Variants in IKBKB observed in about 807,000 individuals in gnomAD.
The protein encoded by IKBKB is inhibitor of nuclear factor kappa-B kinase subunit beta.
A neutral mutation model predicts 113.6 loss-of-function variants in IKBKB; 42 were observed. The observed-to-expected ratio is 0.37, with a 90% CI of 0.29 to 0.48. IKBKB has a LOEUF of 0.48. IKBKB is among the 20% of genes least tolerant of loss of function. IKBKB has a pLI of 0.99. For missense variants in IKBKB, 673 were observed against 939.7 expected (o/e 0.72, Z 3.71); for synonymous variants, 296 against 361.3 (o/e 0.82, Z 2.05).
intron 5 of IKBKB, among the ~76,000 whole-genome samples, chr8:42,304,611 G>A (rs910701986): frequency 6.6e-6 from 1 of 152,134 alleles, no homozygotes; most frequent in African/African-American, 2.4e-5. Context: ...ATGTGTGGGA[G>A]GTGTCCCTGT....
chr8:42,321,607 G>A (rs1819798953), intron 16 of IKBKB: 4 of 336,902 alleles, frequency 1.2e-5, no homozygotes, highest in Non-Finnish European at 2.2e-5. Flanking sequence ...CTGCAGCCTC[G>A]ACCTCCCAGG....
At chr8:42,298,096 TATTTA>T in intron 5 of IKBKB, 2 of 985,382 alleles carry the variant, frequency 2.0e-6, no homozygotes, top group Non-Finnish European at 2.4e-6. Flanking sequence ...GAGTGGACTC[TATTTA>T]AACAGTCTTG....
chr8:42,305,349 C>A, intron 6 of IKBKB, 74 bp downstream of exon 6: 1 of 862,164 alleles, frequency 1.2e-6, no homozygotes, highest in Non-Finnish European at 2.0e-6. Context: ...AAGGAGCACA[C>A]TCTGCATATT....
At position 42,272,418 on chromosome 8, in the gene IKBKB, T is replaced by G. The variant is rs531890186; in HGVS notation, c.105+213T>G. 10 of 618,498 alleles carry G rather than the reference T, an allele frequency of 1.6e-5. No individual in the cohort carries two copies. The African/African-American group carries it at 1.7e-4, about 10-fold the overall frequency. 38.3% of individuals were successfully genotyped at this position (618,498 alleles called of 1,614,324 possible). On this transcript the variant is annotated intron_variant, in intron 2 of 21. Coordinates refer to ENST00000520810, the MANE Select transcript of IKBKB (RefSeq NM_001556.3). ...TTATTGACTATGTCACCTAAATAAA[T>G]AGTAAAATAAAGTTAAGCTCTTAGT...
chr8:42,274,786 GCCC>G (rs1224930652), intron 2 of IKBKB, among the ~76,000 whole-genome samples: 1 of 5,528 alleles, frequency 1.8e-4, no homozygotes. Context: ...CCGCCGGCGC[GCCC>G]CCCCCCCCCC....
At chr8:42,273,684 G>C (rs1305959431) in intron 2 of IKBKB, among the ~76,000 whole-genome samples, 1 of 151,592 alleles carries the variant, frequency 6.6e-6, no homozygotes, top group Non-Finnish European at 1.5e-5. Flanking sequence ...TGGATTACAG[G>C]CCTGAGCCAT....
Position 42,316,915 on chromosome 8 carries a change from G to C in IKBKB, c.1125+11G>C. The C allele has an allele frequency of 6.2e-7, 1 of 1,612,780 alleles. No individual in the cohort carries two copies. Among genetic ancestry groups the C allele is most frequent in the Non-Finnish European group, 8.5e-7 (1 of 1,179,204 alleles). ...ATTTCAGACGGCAAGGTGAGCCCTG[G>C]CTTCGTACACACCATCCTGTTTACC... On this transcript the variant is annotated intron_variant, in intron 11 of 21. Transcript: ENST00000520810. The surrounding 1 kb of genome is among the most constrained non-coding windows in gnomAD (Gnocchi z 4.5).
At chr8:42,325,738 G>C in intron 19 of IKBKB, 1 of 1,327,828 alleles carries the variant, frequency 7.5e-7, no homozygotes, top group Non-Finnish European at 9.6e-7. Flanking sequence ...AGGCACCCAG[G>C]TCTCCTTAAA....
chr8:42,293,338 G>A, intron 4 of IKBKB, 105 bp from the exon 5 acceptor site: 2 of 1,413,158 alleles, frequency 1.4e-6, no homozygotes, highest in Non-Finnish European at 2.0e-6. Context: ...TAAAGACCAG[G>A]GCCCAGGGTC....
intron 2 of IKBKB, among the ~76,000 whole-genome samples, chr8:42,283,306 CA>C (rs1444323128): frequency 5.3e-5 from 8 of 152,182 alleles, no homozygotes; most frequent in Non-Finnish European, 7.3e-5. Context: ...TAATCCCCCC[CA>C]ACCCCACCAA....
rs200781138 is a variant in IKBKB at position 42,293,463 on chromosome 8, C to T, written c.339C>T (p.Asn113=). Residue 113 remains asparagine, a synonymous_variant, in exon 5 of 22, where the codon AAC becomes AAT. Coordinates refer to ENST00000520810, the MANE Select transcript of IKBKB (RefSeq NM_001556.3). ...GACAGTACCTGAACCAGTTTGAGAACTGCTGTGGTCTGCGGGAAGGTGCCA... is the reference window on the plus strand; with the variant it reads ...GACAGTACCTGAACCAGTTTGAGAATTGCTGTGGTCTGCGGGAAGGTGCCA... ...DLRKYLNQFE[N]CCGLREGAIL... 2 of 1,614,190 alleles carry T rather than the reference C, an allele frequency of 1.2e-6. No homozygotes were observed. Among genetic ancestry groups the T allele is most frequent in the Non-Finnish European group, 1.7e-6 (2 of 1,180,026 alleles).
At chr8:42,280,646 A>G (rs7837168) in intron 2 of IKBKB, among the ~76,000 whole-genome samples, 37,058 of 151,940 alleles carry the variant, frequency 0.24, 8,781 homozygotes, top group African/African-American at 0.62. Context: ...TGGGTCAGCT[A>G]CCTTCTGGAA....
At chr8:42,330,225 C>T (rs1019793732) in intron 21 of IKBKB, 8 of 985,260 alleles carry the variant, frequency 8.1e-6, no homozygotes, top group Non-Finnish European at 1.2e-6. Flanking sequence ...GTCACAGAAT[C>T]TCAAGGACTC....
At chr8:42,308,304 C>CT (rs71548577) in intron 7 of IKBKB, among the ~76,000 whole-genome samples, 15,507 of 115,536 alleles carry the variant, frequency 0.13, 950 homozygotes, top group Middle Eastern at 0.19. Flanking sequence ...TTCTTTCTTT[C>CT]TTTTTTTTTT....
rs1048497385 is a variant in IKBKB at position 42,280,910 on chromosome 8, C to T, written c.106-7724C>T. On this transcript the variant is annotated intron_variant, in intron 2 of 21. Coordinates refer to ENST00000520810, the MANE Select transcript of IKBKB (RefSeq NM_001556.3). ...CTTGGAAGCCTTAAAGCCTCTGCTC[C>T]GTTCAGTCACTTCTCTAGGGATTTA... Among the ~76,000 whole-genome samples the T allele has an allele frequency of 4.6e-5, 7 of 152,264 alleles. No individual in the cohort carries two copies. In the East Asian group the frequency reaches 7.7e-4, roughly 17 times the overall value.
intron 5 of IKBKB, among the ~76,000 whole-genome samples, chr8:42,295,554 A>G (rs1423042432): frequency 1.3e-5 from 2 of 152,174 alleles, no homozygotes; most frequent in Non-Finnish European, 2.9e-5. Context: ...CTGAAACCCC[A>G]TCTCTACCAA....
In IKBKB at chr8:42,287,981, G is replaced by A. The variant is rs1000366177; in HGVS notation, c.106-653G>A. Among the ~76,000 whole-genome samples the A allele has an allele frequency of 6.6e-5, 10 of 152,214 alleles. No homozygotes were observed. The East Asian group carries it at 1.5e-3, about 23-fold the overall frequency. ...GGGTCAGCCTAATACAGCAGCAGCC[G>A]GGGTTCGGACAGGGAAACCTCTCTG... On this transcript the variant is annotated intron_variant, in intron 2 of 21. Coordinates refer to ENST00000520810, the MANE Select transcript of IKBKB (RefSeq NM_001556.3).
At chr8:42,323,028 C>T (rs1820052565) in intron 19 of IKBKB, among the ~76,000 whole-genome samples, 2 of 152,222 alleles carry the variant, frequency 1.3e-5, no homozygotes, top group Admixed American at 6.5e-5. Context: ...CTTGCTTCTT[C>T]CAGCTCCTGG....
At chr8:42,295,388 A>C (rs920513718) in intron 5 of IKBKB, among the ~76,000 whole-genome samples, 7 of 150,972 alleles carry the variant, frequency 4.6e-5, no homozygotes, top group Admixed American at 1.3e-4. Context: ...CAAAGTGCCG[A>C]GATTACAGGC....
Sources: allele counts gnomAD v4.1 joint callset (sites outside exome capture counted in the v4.1 genomes callset), GRCh38; gene constraint gnomAD v4.1.1; non-coding constraint Gnocchi (gnomAD v3.1); transcripts MANE v1.5; gene names NCBI Gene and HGNC (gene_info 2026-07-23, HGNC 2026-07-21).